ADARB2: variants seen among roughly 807,000 people sequenced by gnomAD.
The protein encoded by ADARB2 is inactive double-stranded RNA-specific editase B2.
ADARB2 carries 25 observed loss-of-function variants against 62.2 expected under a neutral mutation model. The ratio of observed to expected loss-of-function variants is 0.40; its 90% CI spans 0.29 to 0.56. The LOEUF (loss-of-function observed/expected upper bound fraction) is 0.56, where lower values mean the gene tolerates loss of function less well. Among genes scored for constraint, ADARB2 ranks in the 20% least tolerant of loss-of-function variants. ADARB2 has a pLI of 0.43. For synonymous variants in ADARB2, 572 were observed against 500.8 expected (o/e 1.14, Z -1.90); for missense variants, 1,071 against 1,077.4 (o/e 0.99, Z 0.08).
intron 1 of ADARB2, among the ~76,000 whole-genome samples, chr10:1,506,817 T>A (rs1450430933): frequency 6.6e-6 from 1 of 152,152 alleles, no homozygotes; most frequent in Non-Finnish European, 1.5e-5. Context: ...GGGAGGTGAT[T>A]GGGTCATGGG....
chr10:1,659,556 C>T (rs11250712), intron 1 of ADARB2, among the ~76,000 whole-genome samples: 35,901 of 152,270 alleles, frequency 0.24, 4,602 homozygotes, highest in Middle Eastern at 0.31. Context: ...GAATTCTCAG[C>T]GCGTCTCCAG....
At chr10:1,427,024 A>G (rs1297585358) in intron 1 of ADARB2, among the ~76,000 whole-genome samples, 1 of 152,264 alleles carries the variant, frequency 6.6e-6, no homozygotes, top group African/African-American at 2.4e-5. Context: ...GCTGGGCTCC[A>G]GGGGCCTGAT....
At chr10:1,695,116 CA>C (rs1421351657) in intron 1 of ADARB2, among the ~76,000 whole-genome samples, 8 of 152,166 alleles carry the variant, frequency 5.3e-5, no homozygotes, top group African/African-American at 1.7e-4. Flanking sequence ...CGCATCTGTT[CA>C]GCAGACGGTT....
intron 2 of ADARB2, among the ~76,000 whole-genome samples, chr10:1,370,898 A>G (rs1021027757): frequency 1.3e-5 from 2 of 152,264 alleles, no homozygotes; most frequent in Non-Finnish European, 1.5e-5. Flanking sequence ...GGCAGATTCA[A>G]TGCAATCTCT....
chr10:1,694,969 G>T lies in ADARB2; in HGVS notation c.100+42082C>A, dbSNP rs144746501. 2.0e-5 allele frequency among the ~76,000 whole-genome samples: 3 copies of T among 152,270 alleles called. No homozygotes were observed. The East Asian group carries it at 5.8e-4, about 29-fold the overall frequency. Reference sequence around the variant, plus strand: ...GGTTACACAGCTCCACGCCTGCACCGGGAGGGAGACCTTGCGACTCGCCAT... The same window carrying T: ...GGTTACACAGCTCCACGCCTGCACCTGGAGGGAGACCTTGCGACTCGCCAT... On this transcript the variant is annotated intron_variant, in intron 1 of 9. Transcript: ENST00000381312.
In ADARB2 at chr10:1,594,856, G is replaced by T. The variant is rs116654917; in HGVS notation, c.100+142195C>A. 5.3e-3 allele frequency among the ~76,000 whole-genome samples: 812 copies of T among 152,246 alleles called. 9 individuals are homozygous for T. Among genetic ancestry groups the T allele is most frequent in the African/African-American group, 0.019 (772 of 41,544 alleles). Reference sequence around the variant, plus strand: ...CTTCCTCCCACCACTTCGTTGTATCGGGGCAGAGCAAGGCTTGAAGATGTG... The same window carrying T: ...CTTCCTCCCACCACTTCGTTGTATCTGGGCAGAGCAAGGCTTGAAGATGTG... On this transcript the variant is annotated intron_variant, in intron 1 of 9. Coordinates refer to ENST00000381312, the MANE Select transcript of ADARB2 (RefSeq NM_018702.4).
At chr10:1,352,112 C>T (rs551493233) in intron 3 of ADARB2, among the ~76,000 whole-genome samples, 300 of 152,152 alleles carry the variant, frequency 2.0e-3, no homozygotes, top group African/African-American at 7.1e-3. Flanking sequence ...TCACAGACAG[C>T]CCCCATTACT....
At chr10:1,644,393 A>C (rs1163246179) in intron 1 of ADARB2, among the ~76,000 whole-genome samples, 2 of 152,396 alleles carry the variant, frequency 1.3e-5, no homozygotes, top group East Asian at 3.9e-4. Flanking sequence ...TACATGCAAA[A>C]CAAACTATTT....
chr10:1,564,597 A>G (rs1256897362), intron 1 of ADARB2, among the ~76,000 whole-genome samples: 2 of 152,288 alleles, frequency 1.3e-5, no homozygotes, highest in South Asian at 2.1e-4. Context: ...AAAAGTGGGC[A>G]AAGGTCATGA....
At chr10:1,293,404 A>T (rs2455054) in intron 3 of ADARB2, among the ~76,000 whole-genome samples, 17,337 of 100,410 alleles carry the variant, frequency 0.17, 3,285 homozygotes, top group African/African-American at 0.46. Flanking sequence ...TTTACTCTTC[A>T]TGTGGTCTGT....
At chr10:1,343,163 A>G (rs1404064603) in intron 3 of ADARB2, among the ~76,000 whole-genome samples, 2 of 152,206 alleles carry the variant, frequency 1.3e-5, no homozygotes, top group African/African-American at 4.8e-5. Flanking sequence ...CTGTACATAA[A>G]AACCAGGTTT....
At chr10:1,290,080 T>G (rs1831451321) in intron 3 of ADARB2, 1 of 152,142 alleles carries the variant, frequency 6.6e-6, no homozygotes, top group Middle Eastern at 3.2e-3. Context: ...CTAGGGAAAA[T>G]GAAGAAAATA....
chr10:1,545,504 C>G (rs140965259), intron 1 of ADARB2, among the ~76,000 whole-genome samples: 1 of 152,194 alleles, frequency 6.6e-6, no homozygotes, highest in Admixed American at 6.5e-5. Flanking sequence ...TGAGCTCCCG[C>G]GGGCAGTGAC....
chr10:1,403,605 C>T (rs1160768793), intron 1 of ADARB2, among the ~76,000 whole-genome samples: 1 of 152,164 alleles, frequency 6.6e-6, no homozygotes, highest in Non-Finnish European at 1.5e-5. Flanking sequence ...TTGCACTCCA[C>T]GTGAGGGGCC....
chr10:1,737,393 A>G lies in ADARB2; in HGVS notation c.-243T>C. 2.1e-6 allele frequency: 1 copy of G among 481,832 alleles called. No homozygotes were observed. The highest frequency in any genetic ancestry group is 3.7e-6 in the Non-Finnish European group (1 of 268,072). 29.8% of individuals were successfully genotyped at this position (481,832 alleles called of 1,614,324 possible). A position where few individuals can be genotyped will look rare whatever the true frequency, so the allele number is the denominator to read the frequency against. On this transcript the variant is annotated 5_prime_UTR_variant, in exon 1 of 10. Transcript: ENST00000381312. ...GCCTGGAGCGAGCTGCTCCCTGGTC[A>G]GGGAGGGCGGGGAAGGGCGCGCGGC...
chr10:1,621,172 T>C (rs1421681649), intron 1 of ADARB2, among the ~76,000 whole-genome samples: 1 of 152,224 alleles, frequency 6.6e-6, no homozygotes, highest in East Asian at 1.9e-4. Context: ...ATAGGAAATA[T>C]TAAAATGTAT....
At chr10:1,339,136 T>C (rs1831999945) in intron 3 of ADARB2, among the ~76,000 whole-genome samples, 1 of 152,224 alleles carries the variant, frequency 6.6e-6, no homozygotes, top group African/African-American at 2.4e-5. Context: ...GGCCACGCCC[T>C]GTGCTGAGCC....
At chr10:1,672,283 G>A (rs1232459510) in intron 1 of ADARB2, among the ~76,000 whole-genome samples, 3 of 152,128 alleles carry the variant, frequency 2.0e-5, no homozygotes, top group Non-Finnish European at 2.9e-5. Flanking sequence ...TGTGCTGTGG[G>A]TTCCTGGGAA....
intron 1 of ADARB2, among the ~76,000 whole-genome samples, chr10:1,709,511 A>G (rs1834927491): frequency 6.6e-6 from 1 of 152,234 alleles, no homozygotes; most frequent in Non-Finnish European, 1.5e-5. Context: ...TATGATGTGG[A>G]AGCCGGGCTT....
Sources: gnomAD v4.1 joint callset for allele counts (sites outside exome capture counted in the v4.1 genomes callset) on GRCh38, gnomAD v4.1.1 for gene constraint, MANE v1.5 for transcripts, NCBI Gene and HGNC (gene_info 2026-07-23, HGNC 2026-07-21) for gene names.